AGBL4: variants seen among roughly 807,000 people sequenced by gnomAD.
The protein encoded by AGBL4 is AGBL carboxypeptidase 4, also known as cytosolic carboxypeptidase 6.
A neutral mutation model predicts 66.4 loss-of-function variants in AGBL4; 58 were observed. That is an observed-to-expected ratio of 0.87 (90% CI 0.71 to 1.09). The LOEUF is 1.09. Among genes scored for constraint, AGBL4 ranks in the 50% least tolerant of loss-of-function variants. AGBL4 has a pLI of 0.00. For synonymous variants in AGBL4, 234 were observed against 222.9 expected (o/e 1.05, Z -0.44); for missense variants, 579 against 631.0 (o/e 0.92, Z 0.88).
At chr1:49,777,207 G>A (rs181840499) in intron 2 of AGBL4, among the ~76,000 whole-genome samples, 58 of 152,100 alleles carry the variant, frequency 3.8e-4, no homozygotes, top group Non-Finnish European at 6.8e-4. Flanking sequence ...ATAGAAACTG[G>A]TGAATTAATT....
chr1:49,140,035 T>C (rs1407077333), intron 4 of AGBL4, among the ~76,000 whole-genome samples: 1 of 152,200 alleles, frequency 6.6e-6, no homozygotes, highest in Non-Finnish European at 1.5e-5. Flanking sequence ...TCCAGTTTTA[T>C]AGATTAGGGA....
intron 3 of AGBL4, among the ~76,000 whole-genome samples, chr1:49,503,962 T>A (rs1168430929): frequency 2.0e-5 from 3 of 152,086 alleles, no homozygotes; most frequent in Non-Finnish European, 4.4e-5. Flanking sequence ...CATGAGGACA[T>A]GAGATTTGGG....
intron 6 of AGBL4, among the ~76,000 whole-genome samples, chr1:48,785,102 T>C (rs1645379641): frequency 6.6e-6 from 1 of 152,202 alleles, no homozygotes. Context: ...AAGTCCTCCC[T>C]GACTCACTCC....
chr1:49,578,458 G>A (rs1333216595), intron 3 of AGBL4, among the ~76,000 whole-genome samples: 1 of 152,232 alleles, frequency 6.6e-6, no homozygotes, highest in Admixed American at 6.5e-5. Flanking sequence ...AAGGAATACA[G>A]AATGGGTAGT....
chr1:49,206,695 T>A (rs1056554855), intron 4 of AGBL4, among the ~76,000 whole-genome samples: 11 of 152,016 alleles, frequency 7.2e-5, no homozygotes, highest in African/African-American at 2.7e-4. Flanking sequence ...CCTGCGTCAC[T>A]GACAAAAAAA....
At chr1:49,361,871 G>A (rs991697695) in intron 3 of AGBL4, among the ~76,000 whole-genome samples, 3 of 151,834 alleles carry the variant, frequency 2.0e-5, no homozygotes, top group Non-Finnish European at 4.4e-5. Context: ...TCCAACCCTG[G>A]CCTCTCCCAT....
intron 2 of AGBL4, among the ~76,000 whole-genome samples, chr1:49,698,219 T>TTAATTGC (rs571162237): frequency 0.011 from 1,688 of 152,252 alleles, 27 homozygotes; most frequent in African/African-American, 0.039. Context: ...ACTAAGCAAC[T>TTAATTGC]TTAGACAATT....
intron 3 of AGBL4, among the ~76,000 whole-genome samples, chr1:49,380,865 A>C (rs1387155345): frequency 2.0e-5 from 3 of 152,332 alleles, no homozygotes; most frequent in South Asian, 2.1e-4. Flanking sequence ...TAAAGACTTA[A>C]ATGTTAGACC....
At chr1:49,624,002 AGTGTGTGTGTGT>A (rs34356093) in intron 3 of AGBL4, among the ~76,000 whole-genome samples, 21 of 149,450 alleles carry the variant, frequency 1.4e-4, no homozygotes, top group African/African-American at 5.0e-4. Context: ...GATGAGAGAG[AGTGTGTGTGTGT>A]GTGTGTGTGT....
In AGBL4 at chr1:49,474,138, T is replaced by G. The variant is rs1259960640; in HGVS notation, c.282+223175A>C. Among the ~76,000 whole-genome samples, 37 of 152,144 alleles carry G rather than the reference T, an allele frequency of 2.4e-4. 1 individual carries two copies. The highest frequency in any genetic ancestry group is 2.9e-5 in the Non-Finnish European group (2 of 68,018). Reference sequence around the variant, plus strand: ...CTCTTTTAGTTCCATATGAACTTTATGATCATTTTTTCTAATTATGTGAAA... The same window carrying G: ...CTCTTTTAGTTCCATATGAACTTTAGGATCATTTTTTCTAATTATGTGAAA... On this transcript the variant is annotated intron_variant, in intron 3 of 13. Coordinates refer to ENST00000371839, the MANE Select transcript of AGBL4 (RefSeq NM_032785.4).
intron 1 of AGBL4, among the ~76,000 whole-genome samples, chr1:49,977,277 T>TGAGCTTCACCTCCCATCTTC (rs1658645437): frequency 1.3e-5 from 2 of 151,190 alleles, no homozygotes; most frequent in Admixed American, 1.3e-4. Context: ...CTCCCATCTT[T>TGAGCTTCACCTCCCATCTTC]CATGAGCTTC....
intron 4 of AGBL4, among the ~76,000 whole-genome samples, chr1:49,055,468 A>G (rs1264305834): frequency 6.6e-6 from 1 of 152,036 alleles, no homozygotes; most frequent in Non-Finnish European, 1.5e-5. Context: ...TGCCTTTTTA[A>G]TTTAAGTATA....
intron 3 of AGBL4, among the ~76,000 whole-genome samples, chr1:49,566,134 C>A (rs1033973225): frequency 6.6e-6 from 1 of 152,180 alleles, no homozygotes; most frequent in East Asian, 1.9e-4. Context: ...GTTCTTGTGC[C>A]ATGGTTTTCA....
intron 4 of AGBL4, among the ~76,000 whole-genome samples, chr1:49,224,856 T>A (rs1245170712): frequency 6.6e-6 from 1 of 152,080 alleles, no homozygotes; most frequent in Non-Finnish European, 1.5e-5. Context: ...TGGGATAAGT[T>A]GACAGTAAAT....
intron 3 of AGBL4, among the ~76,000 whole-genome samples, chr1:49,254,900 C>T (rs1339986611): frequency 6.6e-6 from 1 of 152,104 alleles, no homozygotes; most frequent in Non-Finnish European, 1.5e-5. Flanking sequence ...CTGACAAAAA[C>T]ACGCAATGGG....
intron 3 of AGBL4, among the ~76,000 whole-genome samples, chr1:49,514,363 A>G (rs1649566173): frequency 6.6e-6 from 1 of 151,936 alleles, no homozygotes; most frequent in African/African-American, 2.4e-5. Flanking sequence ...AGAACTACAA[A>G]CCACTGCTCA....
At chr1:49,323,758 G>A (rs1645174877) in intron 3 of AGBL4, among the ~76,000 whole-genome samples, 1 of 150,068 alleles carries the variant, frequency 6.7e-6, no homozygotes, top group East Asian at 2.0e-4. Flanking sequence ...GGCAGAGCGA[G>A]GCCCCGTTTC....
At position 49,518,168 on chromosome 1, in the gene AGBL4, A is replaced by G. The variant is rs368477592; in HGVS notation, c.282+179145T>C. The stretch of plus-strand genomic sequence containing the variant: ...TAAGTGCTGTGATATAAGGATGTTC[A>G]GGGGGGCTGTGTAGCATAGTTAGGT... On this transcript the variant is annotated intron_variant, in intron 3 of 13. Transcript: ENST00000371839. 2.6e-5 allele frequency among the ~76,000 whole-genome samples: 4 copies of G among 152,188 alleles called. No individual in the cohort carries two copies. The East Asian group carries it at 5.8e-4, about 22-fold the overall frequency.
In AGBL4 at chr1:49,227,561, G is replaced by C. The variant is rs138557579; in HGVS notation, c.377+18209C>G. Among the ~76,000 whole-genome samples the C allele has an allele frequency of 4.6e-5, 7 of 152,210 alleles. 1 individual carries two copies. In the East Asian group the frequency reaches 1.4e-3, roughly 29 times the overall value. On this transcript the variant is annotated intron_variant, in intron 4 of 13. Coordinates refer to ENST00000371839, the MANE Select transcript of AGBL4 (RefSeq NM_032785.4). Reference sequence around the variant, plus strand: ...GTCAAACAGCTTGCAAGTTGGTATAGCCTCACCTTGTAATGAAAACCACTC... The same window carrying C: ...GTCAAACAGCTTGCAAGTTGGTATACCCTCACCTTGTAATGAAAACCACTC...
Sources: gnomAD v4.1 joint callset for allele counts (sites outside exome capture counted in the v4.1 genomes callset) on GRCh38, gnomAD v4.1.1 for gene constraint, MANE v1.5 for transcripts, NCBI Gene and HGNC (gene_info 2026-07-23, HGNC 2026-07-21) for gene names.